The following LPP variants were observed in gnomAD, a reference collection of about 807,000 sequenced individuals.
LPP encodes the protein lipoma-preferred partner.
In LPP, 38 loss-of-function variants were observed where a neutral mutation model predicts 60.4. The ratio of observed to expected loss-of-function variants is 0.63; its 90% CI spans 0.49 to 0.83. The LOEUF (loss-of-function observed/expected upper bound fraction) is 0.83. Ranked by LOEUF, LPP falls within the 40% of genes least tolerant of loss-of-function variation. The pLI is 0.00. For missense variants in LPP, 902 were observed against 783.6 expected (o/e 1.15, Z -1.80); for synonymous variants, 328 against 290.8 (o/e 1.13, Z -1.30).
At chr3:188,328,946 C>T (rs1056538760) in intron 2 of LPP, among the ~76,000 whole-genome samples, 3 of 152,100 alleles carry the variant, frequency 2.0e-5, no homozygotes, top group Admixed American at 6.5e-5. Flanking sequence ...GCTCCCTGTC[C>T]CGCTTATTGT....
chr3:188,760,406 T>G (rs1013318679), intron 9 of LPP, 124 bp downstream of exon 9: 97 of 623,834 alleles, frequency 1.6e-4, no homozygotes, highest in East Asian at 3.0e-4. Flanking sequence ...AATGTGTGTG[T>G]GGGGTGTGTG....
At chr3:188,297,506 A>G (rs1343604703) in intron 2 of LPP, among the ~76,000 whole-genome samples, 1 of 152,240 alleles carries the variant, frequency 6.6e-6, no homozygotes, top group Non-Finnish European at 1.5e-5. Context: ...GAATAGATTG[A>G]TGGTACAAAT....
intron 4 of LPP, among the ~76,000 whole-genome samples, chr3:188,430,217 A>C (rs539064485): frequency 6.6e-6 from 1 of 152,286 alleles, no homozygotes; most frequent in African/African-American, 2.4e-5. Flanking sequence ...TGAGGAAATA[A>C]GTTGGAAAAA....
intron 1 of LPP, among the ~76,000 whole-genome samples, chr3:188,188,590 C>T (rs1273943590): frequency 6.6e-6 from 1 of 152,092 alleles, no homozygotes; most frequent in African/African-American, 2.4e-5. Context: ...CAGATTCATT[C>T]TTAAAACTCA....
intron 2 of LPP, among the ~76,000 whole-genome samples, chr3:188,251,713 A>C (rs1166959478): frequency 1.3e-5 from 2 of 151,892 alleles, no homozygotes; most frequent in African/African-American, 4.8e-5. Flanking sequence ...CTGAGGGTAT[A>C]TTGTCAAACG....
chr3:188,394,099 A>C (rs1364353937), intron 3 of LPP, among the ~76,000 whole-genome samples: 3 of 152,242 alleles, frequency 2.0e-5, no homozygotes, highest in Admixed American at 6.5e-5. Context: ...GAGACTTAAA[A>C]ATTTATCTTT....
chr3:188,799,095 C>A (rs929562805), intron 9 of LPP, among the ~76,000 whole-genome samples: 1 of 152,232 alleles, frequency 6.6e-6, no homozygotes, highest in African/African-American at 2.4e-5. Flanking sequence ...TGCCTTTTAT[C>A]ATGTTCTCAT....
chr3:188,625,721 C>T (rs1330211332), intron 7 of LPP, among the ~76,000 whole-genome samples: 1 of 152,102 alleles, frequency 6.6e-6, no homozygotes, highest in Non-Finnish European at 1.5e-5. Flanking sequence ...ATTCATTAAA[C>T]AGGAAACTGA....
At chr3:188,283,942 A>C (rs182008767) in intron 2 of LPP, among the ~76,000 whole-genome samples, 1 of 151,994 alleles carries the variant, frequency 6.6e-6, no homozygotes, top group African/African-American at 2.4e-5. Flanking sequence ...GCGCCACGGC[A>C]CTCCAGCCTG....
Position 188,609,924 on chromosome 3 carries a change from G to T in LPP, c.1113+80G>T. 1 of 1,335,860 alleles carries T rather than the reference G, an allele frequency of 7.5e-7. No homozygotes were observed. Among genetic ancestry groups the T allele is most frequent in the Non-Finnish European group, 1.0e-6 (1 of 972,226 alleles). The allele number at this position is 1,335,860 out of a possible 1,614,324, so 82.8% of individuals were successfully genotyped here. On this transcript the variant is annotated intron_variant, in intron 7 of 11. Coordinates refer to ENST00000617246, the MANE Select transcript of LPP (RefSeq NM_001375462.1). The surrounding 1 kb of genome is among the most constrained non-coding windows in gnomAD (Gnocchi z 6.9). The stretch of plus-strand genomic sequence containing the variant: ...CCTTCCCCAGGAAGCGAAGCCTAAG[G>T]CAAAAGTGTGTGTGTTACTTTTATT...
intron 2 of LPP, chr3:188,240,274 G>C (rs190889963): frequency 1.2e-5 from 2 of 170,050 alleles, no homozygotes; most frequent in South Asian, 2.0e-4. Flanking sequence ...GGGGAACATG[G>C]GTAGGAATAG....
intron 9 of LPP, among the ~76,000 whole-genome samples, chr3:188,839,252 G>A (rs1190527672): frequency 6.6e-6 from 1 of 152,070 alleles, no homozygotes; most frequent in African/African-American, 2.4e-5. Flanking sequence ...ATATAAACAG[G>A]GAAAACATTT....
At chr3:188,156,093 C>T (rs1399578289) in intron 1 of LPP, among the ~76,000 whole-genome samples, 3 of 152,150 alleles carry the variant, frequency 2.0e-5, no homozygotes, top group African/African-American at 7.2e-5. Context: ...CAGGCCCCAA[C>T]CCCAACACCC....
At chr3:188,794,645 T>C (rs1459598818) in intron 9 of LPP, among the ~76,000 whole-genome samples, 2 of 152,146 alleles carry the variant, frequency 1.3e-5, no homozygotes. Flanking sequence ...TATCACCTAA[T>C]ACAAGCTGAG....
At chr3:188,226,132 C>T (rs1005794016) in intron 2 of LPP, among the ~76,000 whole-genome samples, 33 of 152,122 alleles carry the variant, frequency 2.2e-4, no homozygotes, top group African/African-American at 7.7e-4. Context: ...CCTCAGCCTC[C>T]CGAGCAGCTG....
rs781610347 is a variant in LPP at position 188,708,400 on chromosome 3, G to A, written c.1240+7G>A. 3 of 1,614,150 alleles carry A rather than the reference G, an allele frequency of 1.9e-6. No individual in the cohort carries two copies. Among genetic ancestry groups the A allele is most frequent in the Non-Finnish European group, 1.7e-6 (2 of 1,180,018 alleles). The stretch of plus-strand genomic sequence containing the variant: ...CCTGCTGACGAATACTTTGGTGAGT[G>A]GGGCCTAGAGCTGACTTCTGAAGTA... On this transcript the variant is annotated splice_region_variant and intron_variant, in intron 8 of 11. Coordinates refer to ENST00000617246, the MANE Select transcript of LPP (RefSeq NM_001375462.1).
At chr3:188,215,759 A>T (rs553569543) in intron 1 of LPP, among the ~76,000 whole-genome samples, 1 of 152,370 alleles carries the variant, frequency 6.6e-6, no homozygotes, top group East Asian at 1.9e-4. Context: ...CCAAAGTCAC[A>T]TAGTCAGTAG....
intron 11 of LPP, among the ~76,000 whole-genome samples, chr3:188,873,048 T>G (rs1256328554): frequency 6.6e-6 from 1 of 150,540 alleles, no homozygotes; most frequent in Admixed American, 6.8e-5. Flanking sequence ...TAAAGGACAT[T>G]GTAAATTGTG....
intron 1 of LPP, among the ~76,000 whole-genome samples, chr3:188,183,223 G>A (rs778066070): frequency 4.6e-5 from 7 of 152,116 alleles, no homozygotes; most frequent in East Asian, 3.8e-4. Flanking sequence ...CAGGCACCAC[G>A]TCCTGGAGTA....
Sources: gnomAD v4.1 joint callset for allele counts (sites outside exome capture counted in the v4.1 genomes callset) on GRCh38, gnomAD v4.1.1 for gene constraint, Gnocchi (gnomAD v3.1) non-coding constraint, MANE v1.5 for transcripts, NCBI Gene and HGNC (gene_info 2026-07-23, HGNC 2026-07-21) for gene names.